TOPBP1: variants seen among roughly 807,000 people sequenced by gnomAD.
TOPBP1 encodes the protein DNA topoisomerase 2-binding protein 1.
A neutral mutation model predicts 167.7 loss-of-function variants in TOPBP1; 28 were observed. The observed-to-expected ratio is 0.17, with a 90% CI of 0.12 to 0.23. TOPBP1 has a LOEUF of 0.23. Ranked by LOEUF, TOPBP1 falls within the 10% of genes least tolerant of loss-of-function variation. The probability of loss-of-function intolerance (pLI) is 1.00; values close to 1 mark genes in which losing one functional copy is unlikely to be tolerated. For missense variants in TOPBP1, 1,554 were observed against 1,809.6 expected (o/e 0.86, Z 2.56); for synonymous variants, 598 against 611.4 (o/e 0.98, Z 0.32).
At chr3:133,643,479 T>G in intron 11 of TOPBP1, 107 bp from the exon 12 acceptor site, 1 of 908,122 alleles carries the variant, frequency 1.1e-6, no homozygotes, top group African/African-American at 1.7e-5. Flanking sequence ...GAAGAAATTT[T>G]ACTTTAATAC....
At chr3:133,642,804 T>C (rs1190344037) in intron 12 of TOPBP1, among the ~76,000 whole-genome samples, 1 of 152,234 alleles carries the variant, frequency 6.6e-6, no homozygotes. Flanking sequence ...GTTACCCTGA[T>C]GCAAACTGCA....
intron 17 of TOPBP1, 150 bp from the exon 18 acceptor site, chr3:133,623,607 T>C (rs1935171570): frequency 1.2e-6 from 1 of 865,004 alleles, no homozygotes; most frequent in Non-Finnish European, 1.6e-6. Context: ...ACTGAAAAAT[T>C]TGCATCATAC....
Position 133,606,032 on chromosome 3 carries a change from CA to C in TOPBP1, c.4425+2502del, listed in dbSNP as rs57543670. 3.1e-3 allele frequency among the ~76,000 whole-genome samples: 446 copies of C among 145,314 alleles called. 1 individual carries two copies. Among genetic ancestry groups the C allele is most frequent in the Non-Finnish European group, 4.9e-3 (323 of 65,794 alleles). Reference sequence around the variant, plus strand: ...CCCTATCTCTACCCCTTCCCCTTGCCAAAAAAAAAATTAGCTGGGCATGGTG... The same window carrying C: ...CCCTATCTCTACCCCTTCCCCTTGCCAAAAAAAAATTAGCTGGGCATGGTG... On this transcript the variant is annotated intron_variant, in intron 27 of 27. Transcript: ENST00000260810.
rs752829183 is a variant in TOPBP1, at chr3:133,643,175, C to T, written c.2021+25G>A. ...TAAATAAAAAGATACACCAATACAA[C>T]AGGTGCATTAAAAATATTACATACC... On this transcript the variant is annotated intron_variant, in intron 12 of 27. Coordinates refer to ENST00000260810, the MANE Select transcript of TOPBP1 (RefSeq NM_007027.4). The T allele has an allele frequency of 4.2e-5, 64 of 1,541,696 alleles. No homozygotes were observed. In the South Asian group the frequency reaches 7.6e-4, roughly 18 times the overall value.
rs755345553 is a variant in TOPBP1 at position 133,656,820 on chromosome 3, C to T, written c.401G>A (p.Arg134Gln). 1.1e-5 allele frequency: 18 copies of T among 1,601,694 alleles called. No individual in the cohort carries two copies. Among genetic ancestry groups the T allele is most frequent in the Middle Eastern group, 1.7e-4 (1 of 6,046 alleles). The change falls in exon 5 of 28, where the codon CGA becomes CAA. Residue 134 changes from arginine to glutamine, a missense_variant. Arg to Gln is a conservative substitution (Grantham distance 43). Around this residue, in one of 3 missense-constraint regions of TOPBP1, gnomAD observed 1,197 missense variants for 1,351.5 expected, o/e 0.89. Coordinates refer to ENST00000260810, the MANE Select transcript of TOPBP1 (RefSeq NM_007027.4). ...VHKYVQMMGGRVYRDLNVSVT... is the reference protein window; with the variant it reads ...VHKYVQMMGGQVYRDLNVSVT... ...TGATACATTAAGGTCTCTGTATACT[C>T]GTCCGCCCATCATTTGTACATATTT...
intron 10 of TOPBP1, among the ~76,000 whole-genome samples, chr3:133,647,420 T>C (rs1936114541): frequency 6.6e-6 from 1 of 152,014 alleles, no homozygotes. Context: ...ATTCCTAGAG[T>C]CCTAGTAAGT....
rs1369148370 is a variant in TOPBP1 at position 133,612,507 on chromosome 3, T to C, written c.3917A>G (p.His1306Arg). ...EKQCFDPTCT[H>R]IVVGHPLRNE... ...TCGAAGTGGATGTCCCACAACAATG[T>C]GTGTACAGGTGGGATCAAAGCACTG... Residue 1306 changes from histidine to arginine, a missense_variant, in exon 24 of 28, where the codon CAC (histidine) becomes CGC (arginine). Transcript: ENST00000260810. The C allele has an allele frequency of 6.2e-7, 1 of 1,613,816 alleles. No homozygotes were observed. Among genetic ancestry groups the C allele is most frequent in the Non-Finnish European group, 8.5e-7 (1 of 1,179,856 alleles).
intron 23 of TOPBP1, among the ~76,000 whole-genome samples, chr3:133,614,839 AG>A (rs1206182578): frequency 4.2e-5 from 5 of 118,254 alleles, no homozygotes; most frequent in Non-Finnish European, 8.8e-5. Context: ...GGGTGGGGGG[AG>A]GGGGGAGGGA....
At chr3:133,633,672 G>A (rs1416244832) in intron 14 of TOPBP1, among the ~76,000 whole-genome samples, 2 of 152,136 alleles carry the variant, frequency 1.3e-5, no homozygotes, top group African/African-American at 4.8e-5. Context: ...TGCACCTGAA[G>A]TCCTAGTTGC....
intron 16 of TOPBP1, among the ~76,000 whole-genome samples, chr3:133,625,141 A>G (rs964261931): frequency 3.3e-5 from 5 of 152,022 alleles, no homozygotes; most frequent in Admixed American, 3.3e-4. Context: ...TAATTTTTGT[A>G]TTTCTAGTAG....
At chr3:133,633,065 G>A (rs2107800461) in intron 14 of TOPBP1, among the ~76,000 whole-genome samples, 1 of 152,212 alleles carries the variant, frequency 6.6e-6, no homozygotes, top group South Asian at 2.1e-4. Flanking sequence ...GCACCACTGA[G>A]CCTGGCTATT....
intron 3 of TOPBP1, among the ~76,000 whole-genome samples, 188 bp downstream of exon 3, chr3:133,658,828 A>G (rs1405503522): frequency 6.6e-6 from 1 of 152,102 alleles, no homozygotes; most frequent in Non-Finnish European, 1.5e-5. Context: ...AACAAAAACA[A>G]ACAAACAAAC....
chr3:133,620,864 C>T lies in TOPBP1; in HGVS notation c.3179-517G>A, dbSNP rs575603303. ...TGCTAGGATTACAGGCATGAGCCAC[C>T]GTGCCTGGCCCCCTTCAAAGACATT... On this transcript the variant is annotated intron_variant, in intron 19 of 27. Coordinates refer to ENST00000260810, the MANE Select transcript of TOPBP1 (RefSeq NM_007027.4). 5.3e-5 allele frequency among the ~76,000 whole-genome samples: 8 copies of T among 152,226 alleles called. No individual in the cohort carries two copies. In the South Asian group the frequency reaches 1.7e-3, roughly 32 times the overall value.
chr3:133,639,517 C>T (rs1162980047), intron 13 of TOPBP1, among the ~76,000 whole-genome samples: 1 of 152,048 alleles, frequency 6.6e-6, no homozygotes, highest in African/African-American at 2.4e-5. Context: ...TTAATGGGTG[C>T]AGCAAACCAA....
intron 14 of TOPBP1, among the ~76,000 whole-genome samples, chr3:133,634,897 A>G (rs1935615718): frequency 6.6e-6 from 1 of 152,214 alleles, no homozygotes; most frequent in Non-Finnish European, 1.5e-5. Context: ...TCGATTGTAG[A>G]GTTAAGACCA....
intron 11 of TOPBP1, 117 bp from the exon 12 acceptor site, chr3:133,643,489 C>A: frequency 1.2e-6 from 1 of 806,818 alleles, no homozygotes. Flanking sequence ...TACTTTAATA[C>A]AAACTTGTGT....
chr3:133,655,130 G>C (rs1314065217), intron 6 of TOPBP1, among the ~76,000 whole-genome samples, 160 bp downstream of exon 6: 1 of 152,176 alleles, frequency 6.6e-6, no homozygotes, highest in African/African-American at 2.4e-5. Flanking sequence ...GCTTGATCAA[G>C]GGAGGCAGAG....
intron 16 of TOPBP1, among the ~76,000 whole-genome samples, chr3:133,627,874 T>TA (rs34576478): frequency 0.15 from 21,135 of 143,902 alleles, 1,779 homozygotes; most frequent in Non-Finnish European, 0.21. Context: ...CTCCAAAGTT[T>TA]AAAAAAAAAA....
chr3:133,628,624 T>A lies in TOPBP1; in HGVS notation c.2630A>T (p.Asn877Ile), dbSNP rs761894065. 1 of 1,607,046 alleles carries A rather than the reference T, an allele frequency of 6.2e-7. No individual in the cohort carries two copies. Among genetic ancestry groups the A allele is most frequent in the Admixed American group, 1.7e-5 (1 of 58,968 alleles). ...AAGAGCGACAGCATTTCGAGAGCTA[T>A]TTGCCAAAGCAAGTTGCAAGTTTTT... ...IVKNLQLALA[N>I]SSRNAVALSA... The change falls in exon 15 of 28, where the codon AAT (asparagine) becomes ATT (isoleucine). Residue 877 changes from asparagine (N) to isoleucine (I), a missense_variant. Asn to Ile is a moderately radical substitution (Grantham distance 149, BLOSUM62 -3). Coordinates refer to ENST00000260810, the MANE Select transcript of TOPBP1 (RefSeq NM_007027.4).
Sources: gnomAD v4.1 joint callset for allele counts (sites outside exome capture counted in the v4.1 genomes callset) on GRCh38, gnomAD v4.1.1 for gene constraint, gnomAD v4.1.1 regional missense constraint, MANE v1.5 for transcripts, NCBI Gene and HGNC (gene_info 2026-07-23, HGNC 2026-07-21) for gene names.